The following CD276 variants were observed in gnomAD, a reference collection of about 807,000 sequenced individuals.
The protein encoded by CD276 is CD276 molecule.
In CD276, 34 loss-of-function variants were observed where a neutral mutation model predicts 50.0. The observed-to-expected ratio is 0.68, with a 90% CI of 0.52 to 0.91. CD276 has a LOEUF of 0.91. Ranked by LOEUF, CD276 falls within the 40% of genes least tolerant of loss-of-function variation. CD276 has a pLI of 0.00. For missense variants in CD276, 634 were observed against 717.5 expected, an observed-to-expected ratio of 0.88 and a Z score of 1.33; for synonymous variants, 275 against 313.0, an observed-to-expected ratio of 0.88 and a Z score of 1.28.
At position 73,702,399 on chromosome 15, in the gene CD276, T is replaced by C. The variant is rs201466660; in HGVS notation, c.224T>C (p.Leu75Pro). 1 of 1,613,760 alleles carries C rather than the reference T, an allele frequency of 6.2e-7. No homozygotes were observed. Among genetic ancestry groups the C allele is most frequent in the East Asian group, 2.2e-5 (1 of 44,870 alleles). Residue 75 changes from leucine to proline, a missense_variant, in exon 3 of 10, where the codon CTG becomes CCG. Leu to Pro is a moderately conservative substitution (Grantham distance 98). Transcript: ENST00000318443. The part of the protein sequence containing the change: ...LIWQLTDTKQ[L>P]VHSFAEGQDQ... ...TGGCAGCTGACAGATACCAAACAGCTGGTGCACAGCTTTGCTGAGGGCCAG... is the reference window on the plus strand; with the variant it reads ...TGGCAGCTGACAGATACCAAACAGCCGGTGCACAGCTTTGCTGAGGGCCAG...
intron 1 of CD276, among the ~76,000 whole-genome samples, chr15:73,694,132 G>C (rs1030288510): frequency 3.3e-5 from 5 of 152,086 alleles, no homozygotes; most frequent in African/African-American, 1.2e-4. Context: ...AGCTCAGTAG[G>C]AACTGATCTT....
intron 1 of CD276, chr15:73,685,141 T>G (rs1595998937): frequency 2.4e-5 from 2 of 84,126 alleles, no homozygotes; most frequent in Non-Finnish European, 2.4e-5. Context: ...GGGAGGGAAT[T>G]GGGATGGGCA....
rs1350147251 is a variant in CD276 at position 73,708,478 on chromosome 15, G to A, written c.1504+5G>A. 5 of 1,608,770 alleles carry A rather than the reference G, an allele frequency of 3.1e-6. No individual in the cohort carries two copies. The highest frequency in any genetic ancestry group is 4.2e-6 in the Non-Finnish European group (5 of 1,177,358). On this transcript the variant is annotated splice_donor_5th_base_variant and intron_variant, in intron 7 of 9. Coordinates refer to ENST00000318443, the MANE Select transcript of CD276 (RefSeq NM_001024736.2). ...GCTGTGAGGAGGAGAATGCAGGTGA[G>A]TGTGTGTGTATGTGTGTGCGTGCGC...
chr15:73,686,133 G>A (rs1446291628), intron 1 of CD276, among the ~76,000 whole-genome samples: 2 of 152,138 alleles, frequency 1.3e-5, no homozygotes, highest in African/African-American at 2.4e-5. Context: ...ACGCTGGCGG[G>A]AGAGAGCTTC....
chr15:73,712,795 C>T (rs1225530189), intron 9 of CD276, 139 bp from the exon 10 acceptor site: 9 of 858,326 alleles, frequency 1.0e-5, no homozygotes, highest in Admixed American at 2.3e-5. Flanking sequence ...GGGGGCTGTC[C>T]GTTGGGCTGC....
At chr15:73,712,799 G>T in intron 9 of CD276, 135 bp from the exon 10 acceptor site, 1 of 886,142 alleles carries the variant, frequency 1.1e-6, no homozygotes, top group Non-Finnish European at 1.8e-6. Context: ...GCTGTCCGTT[G>T]GGCTGCTGTC....
intron 1 of CD276, among the ~76,000 whole-genome samples, chr15:73,689,207 T>TGTGTGTGG (rs1899888370): frequency 1.3e-5 from 2 of 151,862 alleles, no homozygotes; most frequent in South Asian, 4.2e-4. Flanking sequence ...TGTGTGTGTG[T>TGTGTGTGG]GTGTGTGTGT....
At position 73,703,897 on chromosome 15, in the gene CD276, C is replaced by T. The variant is rs571544769; in HGVS notation, c.972C>T (p.Ser324=). The part of the protein sequence containing the change: ...FPDLLAQGNA[S]LRLQRVRVAD... ...ACCTGCTGGCACAAGGCAATGCATC[C>T]CTGAGGCTGCAGCGCGTGCGTGTGG... The change falls in exon 5 of 10, where the codon TCC becomes TCT. Residue 324 remains serine (S), a synonymous_variant. Coordinates refer to ENST00000318443, the MANE Select transcript of CD276 (RefSeq NM_001024736.2). 7 of 1,613,708 alleles carry T rather than the reference C, an allele frequency of 4.3e-6. No homozygotes were observed. The South Asian group carries it at 6.6e-5, about 15-fold the overall frequency.
intron 1 of CD276, among the ~76,000 whole-genome samples, chr15:73,689,816 G>A (rs759339652): frequency 2.0e-5 from 3 of 152,132 alleles, no homozygotes; most frequent in Non-Finnish European, 4.4e-5. Flanking sequence ...CCCAACATGC[G>A]ATATGGTCAC....
At chr15:73,695,193 G>A (rs140333442) in intron 1 of CD276, among the ~76,000 whole-genome samples, 1 of 152,180 alleles carries the variant, frequency 6.6e-6, no homozygotes, top group Non-Finnish European at 1.5e-5. Context: ...TTCTTTTATA[G>A]GTAGGAACAC....
intron 6 of CD276, 72 bp from the exon 7 acceptor site, chr15:73,708,267 G>C (rs1900725687): frequency 2.6e-6 from 4 of 1,561,702 alleles, no homozygotes; most frequent in Non-Finnish European, 3.5e-6. Flanking sequence ...TTCACACTTG[G>C]AGCCAATGGT....
intron 1 of CD276, among the ~76,000 whole-genome samples, chr15:73,697,877 A>AT (rs1326529951): frequency 6.6e-6 from 1 of 152,104 alleles, no homozygotes; most frequent in African/African-American, 2.4e-5. Flanking sequence ...ATGGGCTTTA[A>AT]TTTTTTAAAG....
intron 6 of CD276, among the ~76,000 whole-genome samples, chr15:73,707,384 C>T (rs1053132705): frequency 5.9e-5 from 9 of 152,222 alleles, no homozygotes; most frequent in Non-Finnish European, 1.3e-4. Context: ...AGAACAGCTC[C>T]TGGCCCTACC....
In CD276 at chr15:73,703,194, G is replaced by A. The variant is rs1596014673; in HGVS notation, c.733+108G>A. 15 of 1,284,088 alleles carry A rather than the reference G, an allele frequency of 1.2e-5. No individual in the cohort carries two copies. The East Asian group carries it at 3.8e-4, about 33-fold the overall frequency. 79.5% of individuals were successfully genotyped at this position (1,284,088 alleles called of 1,614,324 possible). On this transcript the variant is annotated intron_variant, in intron 4 of 9. Transcript: ENST00000318443. The stretch of plus-strand genomic sequence containing the variant: ...CTTCAATCTCCCAGAACAGCAAGTT[G>A]CCTCCTAATGATAGGGAGAAAGATA...
At chr15:73,705,817 C>T (rs1262272680) in intron 6 of CD276, among the ~76,000 whole-genome samples, 7 of 152,006 alleles carry the variant, frequency 4.6e-5, no homozygotes, top group Non-Finnish European at 8.8e-5. Context: ...GTCATTTGCA[C>T]CCTGGGCTGA....
rs558376935 is a variant in CD276, at chr15:73,686,754, C to T, written c.-55+2294C>T. 2.2e-4 allele frequency among the ~76,000 whole-genome samples: 33 copies of T among 152,272 alleles called. No homozygotes were observed. In the South Asian group the frequency reaches 5.2e-3, roughly 24 times the overall value. On this transcript the variant is annotated intron_variant, in intron 1 of 9. Coordinates refer to ENST00000318443, the MANE Select transcript of CD276 (RefSeq NM_001024736.2). ...CTAGAAAATGTTGTAGAACAAGTGG[C>T]TGGATGGTACTTGGTTGCACATACG...
Position 73,713,976 on chromosome 15 carries a change from G to A in CD276, c.*1020G>A, listed in dbSNP as rs1901021325. On this transcript the variant is annotated 3_prime_UTR_variant, in exon 10 of 10. Coordinates refer to ENST00000318443, the MANE Select transcript of CD276 (RefSeq NM_001024736.2). ...GACAACTAACTACACTGCACCCTGC[G>A]GTTTGCAGGGGGCTCCTGCCTGGCT... 4.7e-5 allele frequency: 15 copies of A among 319,590 alleles called. No homozygotes were observed. Among genetic ancestry groups the A allele is most frequent in the South Asian group, 3.2e-4 (13 of 40,784 alleles). 19.8% of individuals were successfully genotyped at this position (319,590 alleles called of 1,614,324 possible). A position where few individuals can be genotyped will look rare whatever the true frequency, so the allele number is the denominator to read the frequency against.
rs7173476 is a variant in CD276, at chr15:73,702,506, C to A, written c.331C>A (p.Arg111Ser). Residue 111 changes from arginine to serine, a missense_variant, in exon 3 of 10, where the codon CGC (arginine) becomes AGC (serine). Physicochemically the swap from Arg to Ser is moderately radical, Grantham distance 110. Transcript: ENST00000318443. ...GGGCAACGCATCCCTGAGGCTGCAG[C>A]GCGTGCGTGTGGCGGACGAGGGCAG... Reference protein sequence around the residue: ...AQGNASLRLQRVRVADEGSFT... With the variant: ...AQGNASLRLQSVRVADEGSFT... 187,277 of 1,613,030 alleles carry A rather than the reference C, an allele frequency of 0.12. 14,296 individuals are homozygous for A. The highest frequency in any genetic ancestry group is 0.39 in the African/African-American group (29,536 of 74,980).
intron 8 of CD276, among the ~76,000 whole-genome samples, chr15:73,710,391 G>T (rs951308334): frequency 6.6e-5 from 10 of 152,234 alleles, no homozygotes; most frequent in Non-Finnish European, 1.3e-4. Flanking sequence ...GGAGAGGGAG[G>T]TACTTGCAAA....
Sources: allele counts gnomAD v4.1 joint callset (sites outside exome capture counted in the v4.1 genomes callset), GRCh38; gene constraint gnomAD v4.1.1; transcripts MANE v1.5; gene names NCBI Gene and HGNC (gene_info 2026-07-23, HGNC 2026-07-21).